CLEC16A: variants seen among roughly 807,000 people sequenced by gnomAD.
CLEC16A encodes protein CLEC16A.
CLEC16A carries 51 observed loss-of-function variants against 109.5 expected under a neutral mutation model. The ratio of observed to expected loss-of-function variants is 0.47; its 90% CI spans 0.37 to 0.59. The LOEUF is 0.59. Ranked by LOEUF, CLEC16A falls within the 20% of genes least tolerant of loss-of-function variation. CLEC16A has a pLI of 0.00. For synonymous variants in CLEC16A, 673 were observed against 564.2 expected, an observed-to-expected ratio of 1.19 and a Z score of -2.73; for missense variants, 1,339 against 1,394.0, an observed-to-expected ratio of 0.96 and a Z score of 0.63.
At chr16:11,009,409 C>G (rs139777426) in intron 11 of CLEC16A, among the ~76,000 whole-genome samples, 3 of 152,166 alleles carry the variant, frequency 2.0e-5, no homozygotes, top group African/African-American at 7.2e-5. Flanking sequence ...CATGGGTATA[C>G]AAATCCATTC....
chr16:11,059,429 C>T (rs1198125050), intron 18 of CLEC16A, among the ~76,000 whole-genome samples: 1 of 152,208 alleles, frequency 6.6e-6, no homozygotes, highest in Non-Finnish European at 1.5e-5. Context: ...TAGGATTGCT[C>T]TTCCAGTTCC....
intron 22 of CLEC16A, among the ~76,000 whole-genome samples, chr16:11,138,344 TG>T (rs1425418338): frequency 6.6e-6 from 1 of 152,176 alleles, no homozygotes; most frequent in East Asian, 1.9e-4. Flanking sequence ...AACAGAGAGC[TG>T]GGAAGCTCAG....
intron 10 of CLEC16A, among the ~76,000 whole-genome samples, chr16:10,997,779 G>A (rs2044418801): frequency 6.6e-6 from 1 of 152,222 alleles, no homozygotes; most frequent in African/African-American, 2.4e-5. Context: ...CTTTCGCTGT[G>A]TATTTTCATG....
In CLEC16A at chr16:11,174,217, G is replaced by A. The variant is rs1031238466; in HGVS notation, c.2807-4118G>A. ...CTGTCGGAGGCCGACAGTCATGGCG[G>A]CCACTGGGTTTAGTGCTCCGAACGG... On this transcript the variant is annotated intron_variant, in intron 23 of 23. Coordinates refer to ENST00000409790, the MANE Select transcript of CLEC16A (RefSeq NM_015226.3). This position sits in a 1 kb window ranked among gnomAD's most constrained non-coding sequence, Gnocchi z 4.7. The A allele has an allele frequency of 8.5e-6, 4 of 468,994 alleles. No individual in the cohort carries two copies. The Admixed American group carries it at 9.4e-5, about 11-fold the overall frequency. The allele number at this position is 468,994 out of a possible 1,614,324, so 29.1% of individuals were successfully genotyped here.
chr16:10,974,802 A>G (rs529225866), intron 7 of CLEC16A, among the ~76,000 whole-genome samples: 20 of 152,384 alleles, frequency 1.3e-4, no homozygotes, highest in Admixed American at 8.5e-4. Flanking sequence ...GAACAAAGTT[A>G]TACAAGCAAG....
chr16:11,120,353 T>C (rs1216440262), intron 19 of CLEC16A, among the ~76,000 whole-genome samples: 3 of 152,238 alleles, frequency 2.0e-5, no homozygotes, highest in Non-Finnish European at 2.9e-5. Context: ...TTATATGCTT[T>C]ATATCAGTCC....
Position 10,954,307 on chromosome 16 carries a change from C to T in CLEC16A, c.81-3475C>T, listed in dbSNP as rs985663811. ...TTCAGGTTACTGTGAGTCTGTAGGT[C>T]ACATGAAGCCCTCGCAGAGAACCAG... On this transcript the variant is annotated intron_variant, in intron 1 of 23. Transcript: ENST00000409790. The surrounding 1 kb of genome is among the most constrained non-coding windows in gnomAD (Gnocchi z 4.2). 6.6e-6 allele frequency among the ~76,000 whole-genome samples: 1 copy of T among 152,184 alleles called. No homozygotes were observed. Among genetic ancestry groups the T allele is most frequent in the African/African-American group, 2.4e-5 (1 of 41,434 alleles).
chr16:11,039,667 G>C (rs1336085356), intron 13 of CLEC16A, 87 bp from the exon 14 acceptor site: 2 of 1,418,234 alleles, frequency 1.4e-6, no homozygotes, highest in East Asian at 5.2e-5. Context: ...GGCTGAAGTT[G>C]AGGAAACCCC....
chr16:10,947,547 A>G (rs78160264), intron 1 of CLEC16A, among the ~76,000 whole-genome samples: 180 of 152,356 alleles, frequency 1.2e-3, no homozygotes, highest in Non-Finnish European at 2.2e-3. Flanking sequence ...CACTGTGACC[A>G]GGACCCTGCG....
intron 16 of CLEC16A, among the ~76,000 whole-genome samples, chr16:11,045,302 C>T (rs1024887126): frequency 1.1e-4 from 16 of 152,118 alleles, no homozygotes; most frequent in African/African-American, 2.9e-4. Flanking sequence ...GAGCTGAGAT[C>T]GCGCCACTGC....
At chr16:11,130,864 G>A (rs1231661841) in intron 22 of CLEC16A, among the ~76,000 whole-genome samples, 1 of 152,200 alleles carries the variant, frequency 6.6e-6, no homozygotes, top group Non-Finnish European at 1.5e-5. Context: ...GCGGGCCCAG[G>A]TAATTGTCAT....
intron 23 of CLEC16A, among the ~76,000 whole-genome samples, chr16:11,177,492 C>G (rs543732940): frequency 2.0e-5 from 3 of 151,744 alleles, no homozygotes; most frequent in African/African-American, 4.8e-5. Flanking sequence ...CACAGCTACT[C>G]GGGAGGCTGA....
chr16:10,960,684 G>T (rs1009606616), intron 2 of CLEC16A, among the ~76,000 whole-genome samples: 1 of 152,092 alleles, frequency 6.6e-6, no homozygotes, highest in East Asian at 1.9e-4. Flanking sequence ...CTTCTAGAAG[G>T]GGGCAGTATC....
intron 15 of CLEC16A, 47 bp downstream of exon 15, chr16:11,042,410 C>T: frequency 3.6e-6 from 5 of 1,390,926 alleles, no homozygotes; most frequent in East Asian, 2.5e-5. Flanking sequence ...GGGAGAGGGA[C>T]AGGAGGACAG....
At chr16:11,017,832 C>T (rs1027272232) in intron 11 of CLEC16A, among the ~76,000 whole-genome samples, 1 of 151,982 alleles carries the variant, frequency 6.6e-6, no homozygotes, top group African/African-American at 2.4e-5. Context: ...ATGTCCAGGT[C>T]ATCACAAGCA....
rs201059713 is a variant in CLEC16A, at chr16:11,178,530, C to T, written c.3002C>T (p.Thr1001Met). ...ISLLCEDTAD[T>M]LSVESLTLVP... ...CTGCTCTGCGAGGACACGGCTGACA[C>T]GCTGAGCGTCGAATCGCTGACCCTT... Residue 1001 changes from threonine to methionine, a missense_variant, in exon 24 of 24, where the codon ACG becomes ATG. Thr to Met is a moderately conservative substitution (Grantham distance 81). Around this residue, in one of 3 missense-constraint regions of CLEC16A, gnomAD observed 1,061 missense variants for 1,006.8 expected, o/e 1.05. Transcript: ENST00000409790. The surrounding 1 kb of genome is among the most constrained non-coding windows in gnomAD (Gnocchi z 6.5). 8.7e-6 allele frequency: 14 copies of T among 1,613,086 alleles called. No individual in the cohort carries two copies. Among genetic ancestry groups the T allele is most frequent in the African/African-American group, 4.0e-5 (3 of 74,936 alleles).
intron 19 of CLEC16A, among the ~76,000 whole-genome samples, chr16:11,078,038 T>G (rs1376048816): frequency 6.6e-6 from 1 of 150,922 alleles, no homozygotes; most frequent in Non-Finnish European, 1.5e-5. Context: ...ATACTGAGCT[T>G]GGGACATGTA....
intron 7 of CLEC16A, 135 bp from the exon 8 acceptor site, chr16:10,977,090 C>G: frequency 1.4e-5 from 11 of 779,244 alleles, no homozygotes; most frequent in Non-Finnish European, 8.1e-6. Flanking sequence ...CCAGTAGGGG[C>G]CAGGATAAGT....
At chr16:11,062,140 TGGGA>T (rs57638766) in intron 19 of CLEC16A, among the ~76,000 whole-genome samples, 75,028 of 151,144 alleles carry the variant, frequency 0.5, 19,901 homozygotes, top group African/African-American at 0.7. Flanking sequence ...GCCTTGGAGC[TGGGA>T]GGGAGGGAGG....
Sources: allele counts gnomAD v4.1 joint callset (sites outside exome capture counted in the v4.1 genomes callset), GRCh38; gene constraint gnomAD v4.1.1; regional missense constraint gnomAD v4.1.1; non-coding constraint Gnocchi (gnomAD v3.1); transcripts MANE v1.5; gene names NCBI Gene and HGNC (gene_info 2026-07-23, HGNC 2026-07-21).